Variants in PACRG observed in about 807,000 individuals in gnomAD.
PACRG encodes parkin coregulated.
In PACRG, 29 loss-of-function variants were observed where a neutral mutation model predicts 29.7. The observed-to-expected ratio is 0.98, with a 90% confidence interval of 0.73 to 1.33. The LOEUF (loss-of-function observed/expected upper bound fraction) is 1.33. PACRG is among the 40% of genes most tolerant of loss of function. The probability of loss-of-function intolerance (pLI) is 0.00; values close to 1 mark genes in which losing one functional copy is unlikely to be tolerated. For synonymous variants in PACRG, 116 were observed against 118.7 expected, an observed-to-expected ratio of 0.98 and a Z score of 0.15; for missense variants, 279 against 316.2, an observed-to-expected ratio of 0.88 and a Z score of 0.89.
chr6:163,158,773 C>T (rs1778427900), intron 4 of PACRG, among the ~76,000 whole-genome samples: 1 of 152,198 alleles, frequency 6.6e-6, no homozygotes, highest in Non-Finnish European at 1.5e-5. Context: ...CCTCACACTG[C>T]AGCAGGCACA....
At chr6:162,847,975 T>A (rs1381186685) in intron 2 of PACRG, among the ~76,000 whole-genome samples, 1 of 151,966 alleles carries the variant, frequency 6.6e-6, no homozygotes, top group African/African-American at 2.4e-5. Flanking sequence ...GAAGAGAAAT[T>A]GGAGGGGGCA....
intron 2 of PACRG, among the ~76,000 whole-genome samples, chr6:163,013,487 A>C (rs1396057617): frequency 1.3e-5 from 2 of 150,772 alleles, no homozygotes; most frequent in South Asian, 2.2e-4. Flanking sequence ...TCTGTTCGAC[A>C]ATGTGGATTG....
At chr6:162,912,966 G>A (rs898928510) in intron 2 of PACRG, among the ~76,000 whole-genome samples, 9 of 151,756 alleles carry the variant, frequency 5.9e-5, no homozygotes, top group Admixed American at 2.0e-4. Flanking sequence ...TACCATTGGG[G>A]ATAAGCTCAA....
chr6:163,214,370 T>G (rs1229665043), intron 4 of PACRG, among the ~76,000 whole-genome samples: 2 of 152,156 alleles, frequency 1.3e-5, no homozygotes, highest in African/African-American at 4.8e-5. Context: ...CACGTTTATT[T>G]TTCCTTCTCA....
intron 3 of PACRG, among the ~76,000 whole-genome samples, chr6:163,070,378 C>G (rs995755607): frequency 6.6e-6 from 1 of 151,476 alleles, no homozygotes; most frequent in Non-Finnish European, 1.5e-5. Context: ...TAATAAAATA[C>G]AAATAGAAAA....
chr6:162,791,266 A>T (rs539752183), intron 1 of PACRG, among the ~76,000 whole-genome samples: 1 of 148,554 alleles, frequency 6.7e-6, no homozygotes, highest in African/African-American at 2.5e-5. Context: ...TTTTGTGGGT[A>T]TATTTGCTCT....
intron 2 of PACRG, among the ~76,000 whole-genome samples, chr6:162,857,832 G>A (rs538886122): frequency 3.3e-5 from 5 of 149,324 alleles, no homozygotes; most frequent in East Asian, 2.0e-4. Flanking sequence ...ATATGTTCTC[G>A]TTGCCCACAC....
intron 3 of PACRG, among the ~76,000 whole-genome samples, chr6:163,069,526 CAG>C (rs1392699280): frequency 6.6e-6 from 1 of 152,052 alleles, no homozygotes; most frequent in Non-Finnish European, 1.5e-5. Flanking sequence ...AAGAATGCAT[CAG>C]AGTCTTTTAA....
chr6:162,900,144 C>G (rs1192782620), intron 2 of PACRG, among the ~76,000 whole-genome samples: 1 of 152,034 alleles, frequency 6.6e-6, no homozygotes, highest in Non-Finnish European at 1.5e-5. Context: ...GTAATGCACC[C>G]TCGAGAACTG....
intron 4 of PACRG, among the ~76,000 whole-genome samples, chr6:163,208,352 G>A (rs1288848116): frequency 4.6e-5 from 7 of 151,610 alleles, no homozygotes. Flanking sequence ...GGTAGTGCTA[G>A]TATAGTATAC....
intron 2 of PACRG, among the ~76,000 whole-genome samples, chr6:163,034,835 A>G (rs1387999449): frequency 1.3e-5 from 2 of 152,226 alleles, no homozygotes; most frequent in Non-Finnish European, 2.9e-5. Context: ...GAAAGAATTC[A>G]GAGTGAGTCC....
At chr6:162,759,999 A>G (rs917734195) in intron 1 of PACRG, among the ~76,000 whole-genome samples, 3 of 152,198 alleles carry the variant, frequency 2.0e-5, no homozygotes, top group African/African-American at 7.2e-5. Flanking sequence ...TATGGCTTCA[A>G]GTAAAGTTGA....
In PACRG at chr6:162,890,960, C is replaced by T. The variant is rs528169762; in HGVS notation, c.291+76679C>T. Reference sequence around the variant, plus strand: ...GAGGTCTTGTGCTCCCTGACCGGGCCATCAGCTACATCCTTTTGCAAAGCA... The same window carrying T: ...GAGGTCTTGTGCTCCCTGACCGGGCTATCAGCTACATCCTTTTGCAAAGCA... On this transcript the variant is annotated intron_variant, in intron 2 of 4. Transcript: ENST00000366888. Among the ~76,000 whole-genome samples the T allele has an allele frequency of 1.1e-3, 170 of 152,262 alleles. 1 individual carries two copies. Among genetic ancestry groups the T allele is most frequent in the African/African-American group, 4.0e-3 (165 of 41,552 alleles).
intron 1 of PACRG, among the ~76,000 whole-genome samples, chr6:162,750,778 G>A (rs1407306906): frequency 6.6e-6 from 1 of 152,170 alleles, no homozygotes; most frequent in African/African-American, 2.4e-5. Context: ...TCAGCAATAT[G>A]GAAGTCACAG....
chr6:162,821,858 C>G (rs956131931), intron 2 of PACRG, among the ~76,000 whole-genome samples: 1 of 152,106 alleles, frequency 6.6e-6, no homozygotes, highest in Non-Finnish European at 1.5e-5. Context: ...CTATTGAGAT[C>G]AAAAGTCCTT....
intron 4 of PACRG, among the ~76,000 whole-genome samples, chr6:163,148,698 C>T (rs1441385400): frequency 6.6e-6 from 1 of 152,132 alleles, no homozygotes; most frequent in Non-Finnish European, 1.5e-5. Flanking sequence ...AGCTCTTTCC[C>T]ATCTGCCTCC....
At chr6:163,287,948 G>C (rs1213174416) in intron 4 of PACRG, among the ~76,000 whole-genome samples, 1 of 152,116 alleles carries the variant, frequency 6.6e-6, no homozygotes, top group African/African-American at 2.4e-5. Flanking sequence ...ATTTGGCTTT[G>C]TTGTTTTCTT....
intron 2 of PACRG, among the ~76,000 whole-genome samples, chr6:162,913,630 T>C (rs1370249139): frequency 6.6e-6 from 1 of 152,184 alleles, no homozygotes; most frequent in Non-Finnish European, 1.5e-5. Context: ...TTCTAAGACA[T>C]TGTCAAGTAA....
chr6:162,816,826 T>C (rs1787392341), intron 2 of PACRG, among the ~76,000 whole-genome samples: 1 of 151,964 alleles, frequency 6.6e-6, no homozygotes, highest in Non-Finnish European at 1.5e-5. Flanking sequence ...GGGCGATCCG[T>C]CCCCCACAAA....
Sources: gnomAD v4.1 joint callset for allele counts (sites outside exome capture counted in the v4.1 genomes callset) on GRCh38, gnomAD v4.1.1 for gene constraint, MANE v1.5 for transcripts, NCBI Gene and HGNC (gene_info 2026-07-23, HGNC 2026-07-21) for gene names.